Variants in PCNX1 observed in about 807,000 individuals in gnomAD.
PCNX1 encodes the protein pecanex-like protein 1.
PCNX1 carries 78 observed loss-of-function variants against 242.2 expected under a neutral mutation model. The observed-to-expected ratio is 0.32, with a 90% CI of 0.27 to 0.39. PCNX1 has a LOEUF of 0.39. Ranked by LOEUF, PCNX1 falls within the 10% of genes least tolerant of loss-of-function variation. PCNX1 has a pLI of 1.00. For missense variants in PCNX1, 2,581 were observed against 2,856.5 expected (o/e 0.90, Z 2.20); for synonymous variants, 1,024 against 1,032.9 (o/e 0.99, Z 0.17).
intron 1 of PCNX1, among the ~76,000 whole-genome samples, chr14:70,924,246 A>G (rs1034181434): frequency 4.6e-5 from 7 of 151,544 alleles, no homozygotes; most frequent in Middle Eastern, 3.4e-3. Context: ...AAAAAAAAAA[A>G]AAAGAAAAAG....
At chr14:71,058,347 A>G (rs1338906417) in intron 26 of PCNX1, among the ~76,000 whole-genome samples, 2 of 152,200 alleles carry the variant, frequency 1.3e-5, no homozygotes, top group Non-Finnish European at 2.9e-5. Context: ...ACAATTTTAT[A>G]TACTGATAAA....
At chr14:71,045,681 G>T (rs1159976327) in intron 20 of PCNX1, among the ~76,000 whole-genome samples, 1 of 152,154 alleles carries the variant, frequency 6.6e-6, no homozygotes, top group African/African-American at 2.4e-5. Context: ...TTAACTTAAT[G>T]CGTAGGGAGG....
At chr14:71,074,036 G>T (rs918955904) in intron 27 of PCNX1, among the ~76,000 whole-genome samples, 1 of 152,126 alleles carries the variant, frequency 6.6e-6, no homozygotes, top group African/African-American at 2.4e-5. Flanking sequence ...CTAGACATTT[G>T]TAGCTTGTGT....
chr14:70,967,257 G>C (rs1371100492), intron 3 of PCNX1, among the ~76,000 whole-genome samples: 1 of 152,168 alleles, frequency 6.6e-6, no homozygotes, highest in Admixed American at 6.5e-5. Flanking sequence ...GTGATTTCTT[G>C]TGATATACAC....
chr14:71,066,593 C>A (rs868129312), intron 26 of PCNX1, among the ~76,000 whole-genome samples: 4 of 152,068 alleles, frequency 2.6e-5, no homozygotes, highest in Non-Finnish European at 5.9e-5. Context: ...ATTTAAATAC[C>A]CTTTATTTCT....
intron 3 of PCNX1, among the ~76,000 whole-genome samples, chr14:70,966,728 A>AT (rs202082976): frequency 3.1e-4 from 47 of 151,146 alleles, no homozygotes; most frequent in Admixed American, 1.3e-3. Flanking sequence ...GTGTTTAAAA[A>AT]TTTTTTTTTT....
intron 8 of PCNX1, among the ~76,000 whole-genome samples, chr14:71,002,115 G>A (rs535706621): frequency 3.9e-5 from 6 of 152,176 alleles, no homozygotes; most frequent in Non-Finnish European, 8.8e-5. Flanking sequence ...GGAAGATTCC[G>A]TTCAGAGGAA....
At position 71,114,287 on chromosome 14, in the gene PCNX1, A is replaced by ATT. The variant is rs2062811290; in HGVS notation, c.*4354_*4355dup. The ATT allele has an allele frequency of 6.6e-6, 1 of 152,076 alleles. No homozygotes were observed. Among genetic ancestry groups the ATT allele is most frequent in the South Asian group, 2.1e-4 (1 of 4,822 alleles). 9.4% of individuals were successfully genotyped at this position (152,076 alleles called of 1,614,324 possible). A position where few individuals can be genotyped will look rare whatever the true frequency, so the allele number is the denominator to read the frequency against. On this transcript the variant is annotated 3_prime_UTR_variant, in exon 36 of 36. Coordinates refer to ENST00000304743, the MANE Select transcript of PCNX1 (RefSeq NM_014982.3). ...TATCTATCTTTTTTGTTTGTTTTTA[A>ATT]TTTGGTTGATTGATATGCACCCAGG...
chr14:71,088,580 A>G (rs573613242), intron 29 of PCNX1, 150 bp downstream of exon 29: 16 of 516,186 alleles, frequency 3.1e-5, no homozygotes, highest in African/African-American at 2.5e-4. Context: ...CTTCTTGAAC[A>G]TAGGTGAGCT....
chr14:71,042,110 T>G (rs1280485231), intron 19 of PCNX1, among the ~76,000 whole-genome samples: 1 of 152,160 alleles, frequency 6.6e-6, no homozygotes, highest in Non-Finnish European at 1.5e-5. Context: ...TAGTCTGTCT[T>G]GGAGAATGTC....
chr14:70,949,267 A>G (rs564911018), intron 2 of PCNX1, among the ~76,000 whole-genome samples: 428 of 23,796 alleles, frequency 0.018, 1 homozygote, highest in Non-Finnish European at 0.039. Context: ...ACACACGTGT[A>G]TGCACACACG....
At chr14:70,979,071 C>CATAGG (rs1380277624) in intron 6 of PCNX1, among the ~76,000 whole-genome samples, 9 of 152,200 alleles carry the variant, frequency 5.9e-5, no homozygotes, top group Admixed American at 2.0e-4. Flanking sequence ...GATCACTCAG[C>CATAGG]CTATTATATA....
chr14:71,085,349 AG>A (rs1267071617), intron 28 of PCNX1: 1 of 152,252 alleles, frequency 6.6e-6, no homozygotes, highest in Non-Finnish European at 1.5e-5. Flanking sequence ...TCAATCTGTA[AG>A]TACATAATTT....
chr14:71,086,789 T>C (rs2062003496), intron 28 of PCNX1, among the ~76,000 whole-genome samples: 1 of 152,152 alleles, frequency 6.6e-6, no homozygotes, highest in Admixed American at 6.6e-5. Context: ...TGCTCCCCTT[T>C]CTTGTGCTGT....
chr14:71,078,079 T>C (rs2061761991), intron 28 of PCNX1, among the ~76,000 whole-genome samples: 1 of 152,246 alleles, frequency 6.6e-6, no homozygotes, highest in African/African-American at 2.4e-5. Context: ...ACCTCTAAAC[T>C]TGGGTATCCC....
intron 9 of PCNX1, among the ~76,000 whole-genome samples, chr14:71,011,012 G>T (rs2059806967): frequency 6.6e-6 from 1 of 152,108 alleles, no homozygotes; most frequent in African/African-American, 2.4e-5. Flanking sequence ...CTGTTACCAT[G>T]TTTAATGTAG....
In PCNX1 at chr14:70,907,508, C is replaced by G. The variant is rs2055609462; in HGVS notation, c.-343C>G. The G allele has an allele frequency of 6.6e-6, 1 of 152,628 alleles. No homozygotes were observed. 9.5% of individuals were successfully genotyped at this position (152,628 alleles called of 1,614,324 possible). The stretch of plus-strand genomic sequence containing the variant: ...TGGCGGCCGGCGGGGGTCGCGGCGG[C>G]GGCAGTGGGGGCGCTGGCGGGCCGC... On this transcript the variant is annotated 5_prime_UTR_variant, in exon 1 of 36. Coordinates refer to ENST00000304743, the MANE Select transcript of PCNX1 (RefSeq NM_014982.3).
At chr14:70,910,207 G>GTCCTCCTCCTCCTCCTCC (rs750642409) in intron 1 of PCNX1, among the ~76,000 whole-genome samples, 28 of 13,168 alleles carry the variant, frequency 2.1e-3, no homozygotes, top group East Asian at 0.011. Flanking sequence ...CCTCCTCCTC[G>GTCCTCCTCCTCCTCCTCC]TCCTCCTCCT....
intron 27 of PCNX1, among the ~76,000 whole-genome samples, chr14:71,075,266 T>A (rs1036190839): frequency 3.9e-5 from 6 of 152,116 alleles, no homozygotes; most frequent in African/African-American, 1.4e-4. Flanking sequence ...GCTGGGGTTA[T>A]AGGTGTGAGC....
Sources: allele counts gnomAD v4.1 joint callset (sites outside exome capture counted in the v4.1 genomes callset), GRCh38; gene constraint gnomAD v4.1.1; transcripts MANE v1.5; gene names NCBI Gene and HGNC (gene_info 2026-07-23, HGNC 2026-07-21).